Variants in ZNF765 observed in about 807,000 individuals in gnomAD.
ZNF765 encodes the protein zinc finger protein 765.
ZNF765 carries 37 observed loss-of-function variants against 44.7 expected under a neutral mutation model. The ratio of observed to expected loss-of-function variants is 0.83; its 90% CI spans 0.64 to 1.09. The LOEUF is 1.09. Among genes scored for constraint, ZNF765 ranks in the 50% least tolerant of loss-of-function variants. The pLI, the probability that ZNF765 is intolerant of heterozygous loss-of-function variation, is 0.00. For synonymous variants in ZNF765, 201 were observed against 213.7 expected (o/e 0.94, Z 0.52); for missense variants, 594 against 626.1 (o/e 0.95, Z 0.55).
chr19:53,413,097 C>G (rs887408814), downstream of ZNF765: 1 of 373,770 alleles, frequency 2.7e-6, no homozygotes, highest in East Asian at 6.4e-5. Flanking sequence ...GCAACAAGAG[C>G]GAAACTTTGT....
At chr19:53,407,635 A>C in intron 3 of ZNF765, 63 bp from the exon 4 acceptor site, 2 of 1,251,404 alleles carry the variant, frequency 1.6e-6, no homozygotes, top group South Asian at 1.9e-5. Context: ...TCATATTTAC[A>C]CATTTCAGCA....
chr19:53,396,107 G>A (rs1168231091), intron 1 of ZNF765, among the ~76,000 whole-genome samples: 1 of 152,164 alleles, frequency 6.6e-6, no homozygotes, highest in Non-Finnish European at 1.5e-5. Flanking sequence ...AGCAAAGAGG[G>A]AGGCTCATCA....
At position 53,408,584 on chromosome 19, in the gene ZNF765, A is replaced by C; in HGVS notation, c.1029A>C (p.Thr343=). 6.2e-7 allele frequency: 1 copy of C among 1,613,820 alleles called. No individual in the cohort carries two copies. The highest frequency in any genetic ancestry group is 8.5e-7 in the Non-Finnish European group (1 of 1,179,862). Residue 343 remains threonine (T), a synonymous_variant, in exon 4 of 4, where the codon ACA becomes ACC. Coordinates refer to ENST00000396408, the MANE Select transcript of ZNF765 (RefSeq NM_001040185.3). ...CCTTTAGTCAGAAGTCGTACCTTAC[A>C]TGCCATCGTAGGCTTCATACTGGAG... is the stretch of plus-strand genomic sequence containing the variant. ...GKTFSQKSYL[T]CHRRLHTGEK...
chr19:53,424,985 C>T (rs1376932482), exon 4 of ZNF765: 1 of 152,116 alleles, frequency 6.6e-6, no homozygotes, highest in Non-Finnish European at 1.5e-5. Flanking sequence ...ATTCTATAAC[C>T]CTTGAATGGG....
intron 3 of ZNF765, among the ~76,000 whole-genome samples, chr19:53,421,388 T>C (rs2085906407): frequency 6.6e-6 from 1 of 152,218 alleles, no homozygotes; most frequent in Admixed American, 6.5e-5. Context: ...GGCCCACTGT[T>C]CTTTTTCTAT....
chr19:53,414,264 A>C (rs2085856393), downstream of ZNF765, among the ~76,000 whole-genome samples: 2 of 144,542 alleles, frequency 1.4e-5, no homozygotes, highest in African/African-American at 2.5e-5. Context: ...AGAAACTTGC[A>C]GCAAACATGG....
chr19:53,410,042 ATCCT>A lies in ZNF765; in HGVS notation c.*918_*921del. The A allele has an allele frequency of 4.1e-6, 2 of 482,564 alleles. No individual in the cohort carries two copies. Among genetic ancestry groups the A allele is most frequent in the South Asian group, 3.2e-5 (2 of 63,358 alleles). The allele number at this position is 482,564 out of a possible 1,614,324, so 29.9% of individuals were successfully genotyped here. ...AATAAATGCAGAAAATTTTTCAGAC[ATCCT>A]TCATACCTTTGCAGTTCATGGGTGA... On this transcript the variant is annotated 3_prime_UTR_variant, in exon 4 of 4. Transcript: ENST00000396408.
downstream of ZNF765, among the ~76,000 whole-genome samples, chr19:53,414,001 G>T (rs2085853558): frequency 2.0e-5 from 3 of 149,890 alleles, no homozygotes; most frequent in East Asian, 2.0e-4. Context: ...ACCACGTTGG[G>T]AGGCTGAGGC....
At chr19:53,405,934 T>TAAA (rs2085770274) in intron 3 of ZNF765, among the ~76,000 whole-genome samples, 1 of 90,420 alleles carries the variant, frequency 1.1e-5, no homozygotes, top group Non-Finnish European at 2.2e-5. Flanking sequence ...TATATATATA[T>TAAA]ATATATATAT....
Position 53,417,075 on chromosome 19 carries a change from C to T in ZNF765, c.143-5987C>T, listed in dbSNP as rs1018109925. On this transcript the variant is annotated intron_variant, in intron 3 of 3. Coordinates refer to the ZNF765 transcript ENST00000594030. ...TCAGGTGATCTGCCTACCTAGGCCT[C>T]CCAAAGTGCTAGGATTACAGACGTG... Among the ~76,000 whole-genome samples, 4 of 152,280 alleles carry T rather than the reference C, an allele frequency of 2.6e-5. No individual in the cohort carries two copies. The South Asian group carries it at 8.3e-4, about 32-fold the overall frequency.
At position 53,402,996 on chromosome 19, in the gene ZNF765, G is replaced by A. The variant is rs574283040; in HGVS notation, c.142+805G>A. On this transcript the variant is annotated intron_variant, in intron 3 of 3. Coordinates refer to ENST00000396408, the MANE Select transcript of ZNF765 (RefSeq NM_001040185.3). ...TCAAGACCACCCTGGCCAACAGGGT[G>A]AAACCCCCTCTCTACTAAAAATACA... 2.2e-4 allele frequency among the ~76,000 whole-genome samples: 33 copies of A among 152,206 alleles called. 1 individual carries two copies. The South Asian group carries it at 6.8e-3, about 32-fold the overall frequency.
chr19:53,404,002 A>G (rs1307898591), intron 3 of ZNF765, among the ~76,000 whole-genome samples: 1 of 152,254 alleles, frequency 6.6e-6, no homozygotes, highest in Non-Finnish European at 1.5e-5. Context: ...AATAACAGAA[A>G]AAAAAGTTGA....
chr19:53,419,629 C>T (rs890809619), intron 3 of ZNF765, among the ~76,000 whole-genome samples: 10 of 152,144 alleles, frequency 6.6e-5, no homozygotes, highest in African/African-American at 2.4e-4. Flanking sequence ...GTGATGCATA[C>T]GTTAATTAGC....
In ZNF765 at chr19:53,410,744, G is replaced by T; in HGVS notation, c.*1617G>T. ...GCAGTTCATCGGCGAACTCGTACTGGAGAGAAACCTTACAAATGTCATGAT... is the reference window on the plus strand; with the variant it reads ...GCAGTTCATCGGCGAACTCGTACTGTAGAGAAACCTTACAAATGTCATGAT... On this transcript the variant is annotated 3_prime_UTR_variant, in exon 4 of 4. Transcript: ENST00000396408. 1 of 437,854 alleles carries T rather than the reference G, an allele frequency of 2.3e-6. No homozygotes were observed. The highest frequency in any genetic ancestry group is 4.7e-6 in the Non-Finnish European group (1 of 214,034). 27.1% of individuals were successfully genotyped at this position (437,854 alleles called of 1,614,324 possible).
chr19:53,407,533 C>T (rs2085786607), intron 3 of ZNF765, among the ~76,000 whole-genome samples, 165 bp from the exon 4 acceptor site: 1 of 152,108 alleles, frequency 6.6e-6, no homozygotes, highest in East Asian at 1.9e-4. Flanking sequence ...CACATGTAAT[C>T]GCCCTTTATT....
chr19:53,414,491 C>CACACACACACACA (rs1568786159), downstream of ZNF765, among the ~76,000 whole-genome samples: 2 of 15,578 alleles, frequency 1.3e-4, no homozygotes, highest in Non-Finnish European at 1.7e-4. Context: ...ACACACACAC[C>CACACACACACACA]CCCCCCCCCC....
Position 53,408,967 on chromosome 19 carries a change from G to A in ZNF765, c.1412G>A (p.Cys471Tyr). Residue 471 changes from cysteine to tyrosine, a missense_variant, in exon 4 of 4, where the codon TGT becomes TAT. Cys to Tyr is a radical substitution (Grantham distance 194). Transcript: ENST00000396408. ...TEENPYKCNECGKTFSRTSSL... is the reference protein window; with the variant it reads ...TEENPYKCNEYGKTFSRTSSL... ...GAGAATCCTTACAAGTGTAATGAGT[G>A]TGGCAAGACCTTCAGCCGGACGTCA... 2 of 1,604,070 alleles carry A rather than the reference G, an allele frequency of 1.2e-6. No individual in the cohort carries two copies. Among genetic ancestry groups the A allele is most frequent in the South Asian group, 1.1e-5 (1 of 90,598 alleles).
At chr19:53,407,096 T>C (rs7259957) in intron 3 of ZNF765, among the ~76,000 whole-genome samples, 125,083 of 152,000 alleles carry the variant, frequency 0.82, 51,764 homozygotes, top group Admixed American at 0.87. Flanking sequence ...ACTGCAACCT[T>C]TGCCTCTTGG....
exon 4 of ZNF765, chr19:53,424,623 A>C (rs2085927679): frequency 2.0e-5 from 3 of 149,984 alleles, no homozygotes; most frequent in Non-Finnish European, 3.0e-5. Flanking sequence ...GCGAATTCTC[A>C]CCCAAACTGA....
Sources: gnomAD v4.1 joint callset for allele counts (sites outside exome capture counted in the v4.1 genomes callset) on GRCh38, gnomAD v4.1.1 for gene constraint, MANE v1.5 for transcripts, NCBI Gene and HGNC (gene_info 2026-07-23, HGNC 2026-07-21) for gene names.